INPP1: variants seen among roughly 807,000 people sequenced by gnomAD.
INPP1 encodes the protein inositol polyphosphate 1-phosphatase.
INPP1 carries 18 observed loss-of-function variants against 23.0 expected under a neutral mutation model. That is an observed-to-expected ratio of 0.78 (90% CI 0.54 to 1.16). INPP1 has a LOEUF of 1.16. Among genes scored for constraint, INPP1 ranks in the 50% most tolerant of loss-of-function variants. INPP1 has a pLI of 0.00. For missense variants in INPP1, 448 were observed against 482.1 expected (o/e 0.93, Z 0.66); for synonymous variants, 164 against 176.3 (o/e 0.93, Z 0.55).
chr2:190,365,705 G>A (rs549877794), intron 4 of INPP1, among the ~76,000 whole-genome samples: 1 of 152,340 alleles, frequency 6.6e-6, no homozygotes, highest in South Asian at 2.1e-4. Flanking sequence ...AGTCAGCCAG[G>A]CATAGGAACT....
intron 6 of INPP1, among the ~76,000 whole-genome samples, chr2:190,369,633 A>G (rs559725058): frequency 4.1e-4 from 62 of 152,364 alleles, no homozygotes; most frequent in Admixed American, 1.0e-3. Flanking sequence ...GACAGCTGCC[A>G]TCGCTGTATA....
intron 2 of INPP1, among the ~76,000 whole-genome samples, chr2:190,349,993 C>T (rs955137094): frequency 4.7e-4 from 71 of 152,214 alleles, no homozygotes; most frequent in African/African-American, 1.5e-3. Context: ...TACAGGCATG[C>T]GCCACCACGC....
At position 190,365,031 on chromosome 2, in the gene INPP1, C is replaced by T. The variant is rs139465316; in HGVS notation, c.266-1664C>T. On this transcript the variant is annotated intron_variant, in intron 4 of 6. Transcript: ENST00000392329. ...GGAGTATCTAAAACGTTCCAAAGTGCCATGTTTTCTTAGTTTTTAAGATTT... is the reference window on the plus strand; with the variant it reads ...GGAGTATCTAAAACGTTCCAAAGTGTCATGTTTTCTTAGTTTTTAAGATTT... The T allele has an allele frequency of 1.8e-5, 3 of 166,688 alleles. No individual in the cohort carries two copies. In the Middle Eastern group the frequency reaches 1.6e-3, roughly 87 times the overall value. The allele number at this position is 166,688 out of a possible 1,614,324, so 10.3% of individuals were successfully genotyped here.
chr2:190,347,512 C>T (rs565956212), intron 1 of INPP1, among the ~76,000 whole-genome samples: 5 of 152,146 alleles, frequency 3.3e-5, no homozygotes, highest in African/African-American at 9.6e-5. Flanking sequence ...TTCCTCTTTA[C>T]ATTGCTTTTC....
rs926603947 is a variant in INPP1, at chr2:190,350,210, C to T, written c.-65+1179C>T. 6.6e-5 allele frequency among the ~76,000 whole-genome samples: 10 copies of T among 152,272 alleles called. 1 individual carries two copies. In the South Asian group the frequency reaches 1.7e-3, roughly 25 times the overall value. On this transcript the variant is annotated intron_variant, in intron 2 of 6. Transcript: ENST00000392329. ...TTTCAGATGAGTTCTGAGAAGTATCCGAAATTCATCCTTTATAAAATTGTT... is the reference window on the plus strand; with the variant it reads ...TTTCAGATGAGTTCTGAGAAGTATCTGAAATTCATCCTTTATAAAATTGTT...
intron 2 of INPP1, among the ~76,000 whole-genome samples, chr2:190,349,304 G>C (rs1389445401): frequency 6.6e-6 from 1 of 152,166 alleles, no homozygotes; most frequent in East Asian, 1.9e-4. Flanking sequence ...AGGTGTGGTG[G>C]CATGCACCTG....
rs1689427198 is a variant in INPP1 at position 190,356,711 on chromosome 2, A to C, written c.-64-3328A>C. On this transcript the variant is annotated intron_variant, in intron 2 of 6. Coordinates refer to ENST00000392329, the MANE Select transcript of INPP1 (RefSeq NM_001128928.2). This position sits in a 1 kb window ranked among gnomAD's most constrained non-coding sequence, Gnocchi z 6.4. ...TAGTATCGTTTCTTTTAAGAAAAAAAATTGATTTTAACACTTGAATAAAAG... is the reference window on the plus strand; with the variant it reads ...TAGTATCGTTTCTTTTAAGAAAAAACATTGATTTTAACACTTGAATAAAAG... 6.6e-6 allele frequency: 1 copy of C among 152,184 alleles called. No homozygotes were observed. Among genetic ancestry groups the C allele is most frequent in the Non-Finnish European group, 1.5e-5 (1 of 68,034 alleles). 9.4% of individuals were successfully genotyped at this position (152,184 alleles called of 1,614,324 possible). A position where few individuals can be genotyped will look rare whatever the true frequency, so the allele number is the denominator to read the frequency against.
At chr2:190,364,335 T>A (rs547942483) in intron 4 of INPP1, among the ~76,000 whole-genome samples, 18 of 151,956 alleles carry the variant, frequency 1.2e-4, no homozygotes, top group Non-Finnish European at 2.6e-4. Context: ...GTCAGGAAAT[T>A]GAGTCCATCC....
At position 190,357,989 on chromosome 2, in the gene INPP1, T is replaced by C. The variant is rs190654510; in HGVS notation, c.-64-2050T>C. Among the ~76,000 whole-genome samples, 110 of 152,242 alleles carry C rather than the reference T, an allele frequency of 7.2e-4. 1 individual carries two copies. The highest frequency in any genetic ancestry group is 6.4e-3 in the Admixed American group (98 of 15,296). ...TTTAGCAAAATTGTTTAAGATCAAC[T>C]ATTACAAATTACATCTTACTCCCAT... On this transcript the variant is annotated intron_variant, in intron 2 of 6. Transcript: ENST00000392329.
chr2:190,362,692 G>A lies in INPP1; in HGVS notation c.265+5G>A. On this transcript the variant is annotated splice_donor_5th_base_variant and intron_variant, in intron 4 of 6. Coordinates refer to ENST00000392329, the MANE Select transcript of INPP1 (RefSeq NM_001128928.2). ...ATGAGTTTACTAATGACTGGGGTAA[G>A]TATAAGAATCTTAATGTGTCTTTGT... 6.4e-7 allele frequency: 1 copy of A among 1,556,890 alleles called. No homozygotes were observed.
At chr2:190,358,445 T>C (rs1689469382) in intron 2 of INPP1, among the ~76,000 whole-genome samples, 1 of 152,224 alleles carries the variant, frequency 6.6e-6, no homozygotes, top group Non-Finnish European at 1.5e-5. Context: ...CCTGAACTCC[T>C]GACCTCAAGT....
rs760957189 is a variant in INPP1, at chr2:190,352,962, G to A, written c.-65+3931G>A. 6.6e-6 allele frequency among the ~76,000 whole-genome samples: 1 copy of A among 152,328 alleles called. No individual in the cohort carries two copies. Among genetic ancestry groups the A allele is most frequent in the African/African-American group, 2.4e-5 (1 of 41,578 alleles). ...AGAGCCAGAATTCAGGATGTGAACC[G>A]TGGGGGTGGGGTGGAGTCAATGCGC... On this transcript the variant is annotated intron_variant, in intron 2 of 6. Coordinates refer to ENST00000392329, the MANE Select transcript of INPP1 (RefSeq NM_001128928.2). This position sits in a 1 kb window ranked among gnomAD's most constrained non-coding sequence, Gnocchi z 4.7.
intron 2 of INPP1, among the ~76,000 whole-genome samples, chr2:190,357,785 T>C (rs1689445639): frequency 6.6e-6 from 1 of 152,200 alleles, no homozygotes; most frequent in Non-Finnish European, 1.5e-5. Context: ...CTTGTTTGCG[T>C]GCCCATTAGC....
At chr2:190,364,490 G>A (rs1026957840) in intron 4 of INPP1, among the ~76,000 whole-genome samples, 16 of 150,910 alleles carry the variant, frequency 1.1e-4, no homozygotes, top group Non-Finnish European at 2.2e-4. Context: ...TGCAGTGAGC[G>A]GAGATCGCAC....
chr2:190,362,530 G>A, intron 3 of INPP1, 97 bp from the exon 4 acceptor site: 1 of 646,944 alleles, frequency 1.5e-6, no homozygotes, highest in East Asian at 3.1e-5. Flanking sequence ...AGTTCTGATT[G>A]TGCTATTTAA....
chr2:190,349,402 A>C (rs927912628), intron 2 of INPP1, among the ~76,000 whole-genome samples: 1 of 152,156 alleles, frequency 6.6e-6, no homozygotes, highest in Non-Finnish European at 1.5e-5. Flanking sequence ...GTACCATTGC[A>C]CTCTAGCCTG....
intron 6 of INPP1, among the ~76,000 whole-genome samples, chr2:190,370,421 A>C (rs530166216): frequency 2.6e-5 from 4 of 152,364 alleles, no homozygotes; most frequent in African/African-American, 9.6e-5. Context: ...GAGAATGAAA[A>C]GGAGTTACCA....
chr2:190,371,302 CCAA>C lies in INPP1; in HGVS notation c.1104_1106del (p.Asn368del). 1 of 1,606,970 alleles carries C rather than the reference CCAA, an allele frequency of 6.2e-7. No homozygotes were observed. Among genetic ancestry groups the C allele is most frequent in the Non-Finnish European group, 8.5e-7 (1 of 1,175,928 alleles). On this transcript the variant is annotated inframe_deletion, in exon 7 of 7. Transcript: ENST00000392329. This position sits in a 1 kb window ranked among gnomAD's most constrained non-coding sequence, Gnocchi z 5.3. ...GGTGCTGCTGGGGTGGATCGGTGGG[CCAA>C]CAAGGGAGGACTCATTGCATACAGA...
At chr2:190,369,008 T>C in intron 5 of INPP1, 95 bp from the exon 6 acceptor site, 1 of 661,264 alleles carries the variant, frequency 1.5e-6, no homozygotes, top group Non-Finnish European at 2.4e-6. Flanking sequence ...TAAAAAATTA[T>C]TGGTTACCAA....
Sources: gnomAD v4.1 joint callset for allele counts (sites outside exome capture counted in the v4.1 genomes callset) on GRCh38, gnomAD v4.1.1 for gene constraint, Gnocchi (gnomAD v3.1) non-coding constraint, MANE v1.5 for transcripts, NCBI Gene and HGNC (gene_info 2026-07-23, HGNC 2026-07-21) for gene names.